DOK6: variants seen among roughly 807,000 people sequenced by gnomAD.
The protein encoded by DOK6 is downstream of tyrosine kinase 6.
In DOK6, 22 loss-of-function variants were observed where a neutral mutation model predicts 44.0. That is an observed-to-expected ratio of 0.50 (90% confidence interval 0.36 to 0.71). DOK6 has a LOEUF of 0.71. Ranked by LOEUF, DOK6 falls within the 30% of genes least tolerant of loss-of-function variation. The probability of loss-of-function intolerance (pLI) is 0.00; values close to 1 mark genes in which losing one functional copy is unlikely to be tolerated. For missense variants in DOK6, 340 were observed against 416.4 expected (o/e 0.82, Z 1.60); for synonymous variants, 166 against 145.5 (o/e 1.14, Z -1.01).
At chr18:69,760,388 TGA>T (rs1979507766) in intron 7 of DOK6, among the ~76,000 whole-genome samples, 1 of 152,112 alleles carries the variant, frequency 6.6e-6, no homozygotes, top group South Asian at 2.1e-4. Flanking sequence ...CCCAGCACTT[TGA>T]GAGTTTGATT....
At chr18:69,557,377 G>A (rs562334526) in intron 1 of DOK6, among the ~76,000 whole-genome samples, 1 of 152,114 alleles carries the variant, frequency 6.6e-6, no homozygotes, top group African/African-American at 2.4e-5. Flanking sequence ...GCTAAATAAC[G>A]TAATTACGGC....
chr18:69,612,589 C>T (rs1164973513), intron 3 of DOK6, among the ~76,000 whole-genome samples: 1 of 142,838 alleles, frequency 7.0e-6, no homozygotes, highest in East Asian at 2.0e-4. Context: ...GCGTAAGGTT[C>T]TCCTGCTTTG....
At chr18:69,750,588 C>A (rs577635234) in intron 6 of DOK6, among the ~76,000 whole-genome samples, 1 of 152,038 alleles carries the variant, frequency 6.6e-6, no homozygotes, top group Admixed American at 6.6e-5. Flanking sequence ...GTGCTGGTGA[C>A]GACATGGAGA....
intron 3 of DOK6, among the ~76,000 whole-genome samples, chr18:69,619,338 C>G (rs962488031): frequency 2.6e-5 from 4 of 152,208 alleles, no homozygotes; most frequent in South Asian, 4.1e-4. Context: ...AATAACCAGA[C>G]TGCCATTTCC....
intron 1 of DOK6, among the ~76,000 whole-genome samples, chr18:69,521,269 A>G (rs1981676812): frequency 1.3e-5 from 2 of 151,964 alleles, no homozygotes; most frequent in South Asian, 4.1e-4. Context: ...CTTATTTGTC[A>G]TAGTATGTTA....
At chr18:69,570,770 C>T (rs1012443774) in intron 2 of DOK6, among the ~76,000 whole-genome samples, 7 of 152,008 alleles carry the variant, frequency 4.6e-5, no homozygotes, top group Admixed American at 4.6e-4. Flanking sequence ...GGATGACACA[C>T]ACACACAAAA....
intron 1 of DOK6, among the ~76,000 whole-genome samples, chr18:69,443,871 G>C (rs984740988): frequency 5.3e-5 from 8 of 152,214 alleles, no homozygotes; most frequent in Middle Eastern, 3.4e-3. Flanking sequence ...CACGTTCAGA[G>C]TGGAGGTCAA....
At chr18:69,508,433 C>A (rs756850915) in intron 1 of DOK6, among the ~76,000 whole-genome samples, 5 of 152,196 alleles carry the variant, frequency 3.3e-5, no homozygotes, top group East Asian at 1.9e-4. Flanking sequence ...GAATTTATAT[C>A]ATTCCTTGCA....
At chr18:69,405,751 A>G (rs541632231) in intron 1 of DOK6, among the ~76,000 whole-genome samples, 1 of 152,336 alleles carries the variant, frequency 6.6e-6, no homozygotes, top group African/African-American at 2.4e-5. Flanking sequence ...GGCATGCATT[A>G]CCAATTTCCC....
intron 1 of DOK6, among the ~76,000 whole-genome samples, chr18:69,514,408 A>G (rs1296985113): frequency 6.6e-6 from 1 of 152,168 alleles, no homozygotes; most frequent in Non-Finnish European, 1.5e-5. Flanking sequence ...CCAAATTTCC[A>G]AGTGGAAGAA....
At chr18:69,776,308 G>A (rs1166968489) in intron 7 of DOK6, among the ~76,000 whole-genome samples, 1 of 151,814 alleles carries the variant, frequency 6.6e-6, no homozygotes, top group Non-Finnish European at 1.5e-5. Flanking sequence ...AAATAATCAA[G>A]AGCCTATAGA....
intron 1 of DOK6, among the ~76,000 whole-genome samples, chr18:69,448,839 T>C (rs1979371697): frequency 6.6e-6 from 1 of 152,274 alleles, no homozygotes; most frequent in South Asian, 2.1e-4. Context: ...GAGTGCCATG[T>C]ATATATTTGA....
intron 3 of DOK6, among the ~76,000 whole-genome samples, chr18:69,615,576 A>C (rs1254550748): frequency 6.6e-6 from 1 of 152,236 alleles, no homozygotes; most frequent in Non-Finnish European, 1.5e-5. Context: ...AATTCTTTAG[A>C]GAATGTGGAA....
At chr18:69,476,051 A>G (rs191065886) in intron 1 of DOK6, among the ~76,000 whole-genome samples, 6 of 151,938 alleles carry the variant, frequency 3.9e-5, no homozygotes, top group Non-Finnish European at 7.4e-5. Context: ...CACCCCTCTC[A>G]CCTCCAATAG....
chr18:69,519,742 A>G (rs1391391051), intron 1 of DOK6, among the ~76,000 whole-genome samples: 1 of 151,872 alleles, frequency 6.6e-6, no homozygotes, highest in Non-Finnish European at 1.5e-5. Context: ...AATTATAAAA[A>G]TTTTCTCTCA....
chr18:69,528,088 G>C (rs555637261), intron 1 of DOK6, among the ~76,000 whole-genome samples: 3 of 151,344 alleles, frequency 2.0e-5, no homozygotes, highest in African/African-American at 7.3e-5. Flanking sequence ...GCTTGAACCC[G>C]GGAGGTGGAG....
rs200664778 is a variant in DOK6 at position 69,830,432 on chromosome 18, T to TCC, written c.857-10812_857-10811insCC. Reference sequence around the variant, plus strand: ...CTGGTGTTCTTATAAGAAAAGGAGATTAGGACAACTGACATGCTCACACAC... The same window carrying TCC: ...CTGGTGTTCTTATAAGAAAAGGAGATCCTAGGACAACTGACATGCTCACACAC... On this transcript the variant is annotated intron_variant, in intron 7 of 7. Coordinates refer to ENST00000382713, the MANE Select transcript of DOK6 (RefSeq NM_152721.6). Among the ~76,000 whole-genome samples, 358 of 152,092 alleles carry TCC rather than the reference T, an allele frequency of 2.4e-3. 3 individuals carry two copies. Among genetic ancestry groups the TCC allele is most frequent in the African/African-American group, 8.1e-3 (338 of 41,494 alleles).
At chr18:69,669,764 T>G (rs1985751235) in intron 3 of DOK6, among the ~76,000 whole-genome samples, 1 of 152,210 alleles carries the variant, frequency 6.6e-6, no homozygotes, top group Admixed American at 6.5e-5. Context: ...TTCATGTTAA[T>G]AATCCGGAAA....
intron 1 of DOK6, among the ~76,000 whole-genome samples, chr18:69,512,100 A>G (rs778769851): frequency 1.8e-5 from 2 of 112,518 alleles, no homozygotes; most frequent in Non-Finnish European, 3.6e-5. Context: ...GCACCCCCCC[A>G]CACACAATCT....
Sources: allele counts gnomAD v4.1 joint callset (sites outside exome capture counted in the v4.1 genomes callset), GRCh38; gene constraint gnomAD v4.1.1; transcripts MANE v1.5; gene names NCBI Gene and HGNC (gene_info 2026-07-23, HGNC 2026-07-21).